The following PDCL3 variants were observed in gnomAD, a reference collection of about 807,000 sequenced individuals.
The protein encoded by PDCL3 is phosducin like 3, also known as phosducin-like protein 3.
A neutral mutation model predicts 26.5 loss-of-function variants in PDCL3; 22 were observed. The observed-to-expected ratio is 0.83, with a 90% CI of 0.59 to 1.19. The LOEUF (loss-of-function observed/expected upper bound fraction) is 1.19, where lower values mean the gene tolerates loss of function less well. PDCL3 is among the 50% of genes most tolerant of loss of function. The pLI is 0.00. For synonymous variants in PDCL3, 81 were observed against 104.9 expected (o/e 0.77, Z 1.39); for missense variants, 246 against 294.1 (o/e 0.84, Z 1.20).
chr2:100,563,841 A>C (rs1675004487), intron 1 of PDCL3, among the ~76,000 whole-genome samples: 1 of 144,628 alleles, frequency 6.9e-6, no homozygotes, highest in African/African-American at 2.6e-5. Flanking sequence ...TGGAGAGGAG[A>C]GGGTGCGGGT....
intron 4 of PDCL3, among the ~76,000 whole-genome samples, chr2:100,571,153 G>T (rs1308146169): frequency 3.7e-5 from 4 of 109,484 alleles, no homozygotes; most frequent in Non-Finnish European, 5.3e-5. Flanking sequence ...ATGGTGGTGT[G>T]TGCCTGTAAT....
intron 5 of PDCL3, among the ~76,000 whole-genome samples, chr2:100,572,888 A>T (rs7557603): frequency 0.5 from 74,865 of 150,674 alleles, 19,933 homozygotes; most frequent in East Asian, 0.97. Flanking sequence ...TTTTTGTTTG[A>T]TTGTTTGTTT....
intron 4 of PDCL3, among the ~76,000 whole-genome samples, chr2:100,570,375 T>C (rs1490842098): frequency 6.6e-6 from 1 of 152,148 alleles, no homozygotes; most frequent in Non-Finnish European, 1.5e-5. Context: ...GCCTTTACAG[T>C]AGTAATTGCC....
chr2:100,570,142 G>GT (rs932360805), intron 4 of PDCL3, among the ~76,000 whole-genome samples: 18 of 151,480 alleles, frequency 1.2e-4, no homozygotes, highest in South Asian at 2.1e-4. Context: ...AGTTTTTTGT[G>GT]TTTTTTTTGC....
At chr2:100,575,166 C>T (rs530754728) in intron 5 of PDCL3, among the ~76,000 whole-genome samples, 87 of 152,252 alleles carry the variant, frequency 5.7e-4, no homozygotes, top group Admixed American at 1.4e-3. Flanking sequence ...GAGACAGTCT[C>T]GCTGTGTCGC....
intron 5 of PDCL3, among the ~76,000 whole-genome samples, chr2:100,575,926 GCT>G (rs1049656115): frequency 2.8e-4 from 43 of 151,986 alleles, no homozygotes; most frequent in African/African-American, 1.0e-3. Flanking sequence ...ACAGGGTCTC[GCT>G]CTGTCGTGTA....
rs185517022 is a variant in PDCL3, at chr2:100,569,374, G to A, written c.225-204G>A. 3.7e-3 allele frequency among the ~76,000 whole-genome samples: 563 copies of A among 152,236 alleles called. 3 individuals carry two copies. The highest frequency in any genetic ancestry group is 5.1e-3 in the Non-Finnish European group (350 of 68,012). Reference sequence around the variant, plus strand: ...TCTGTCTCAAAAAATAAAATGAAATGTGTGTCCTTCAAAAAATTAATTTTC... The same window carrying A: ...TCTGTCTCAAAAAATAAAATGAAATATGTGTCCTTCAAAAAATTAATTTTC... On this transcript the variant is annotated intron_variant, in intron 3 of 5. Coordinates refer to ENST00000264254, the MANE Select transcript of PDCL3 (RefSeq NM_024065.5).
intron 5 of PDCL3, among the ~76,000 whole-genome samples, chr2:100,572,940 A>C (rs1675208174): frequency 6.6e-6 from 1 of 152,052 alleles, no homozygotes; most frequent in Non-Finnish European, 1.5e-5. Context: ...GCTGGAGTGC[A>C]GTGGTGCGAT....
chr2:100,576,489 G>T lies in PDCL3; in HGVS notation c.713G>T (p.Gly238Val). Residue 238 changes from glycine (G) to valine (V), a missense_variant, in exon 6 of 6, where the codon GGT (glycine) becomes GTT (valine). Coordinates refer to ENST00000264254, the MANE Select transcript of PDCL3 (RefSeq NM_024065.5). ...ATGAAGAGGGACAGCGATTCCGAGGGTGACTGAGGCTACAGCTTCTATCAC... is the reference window on the plus strand; with the variant it reads ...ATGAAGAGGGACAGCGATTCCGAGGTTGACTGAGGCTACAGCTTCTATCAC... ...VLMKRDSDSE[G>V]D The T allele has an allele frequency of 6.2e-7, 1 of 1,603,050 alleles. No homozygotes were observed. Among genetic ancestry groups the T allele is most frequent in the South Asian group, 1.1e-5 (1 of 89,092 alleles).
chr2:100,566,368 A>G lies in PDCL3; in HGVS notation c.7-135A>G, dbSNP rs1675059192. The G allele has an allele frequency of 8.5e-6, 10 of 1,180,520 alleles. No homozygotes were observed. In the East Asian group the frequency reaches 1.2e-4, roughly 14 times the overall value. 73.1% of individuals were successfully genotyped at this position (1,180,520 alleles called of 1,614,324 possible). ...AAACGGGGGCTATGGATCTTTTGACACTTTCTCAGAAATAGTTCACAGACT... is the reference window on the plus strand; with the variant it reads ...AAACGGGGGCTATGGATCTTTTGACGCTTTCTCAGAAATAGTTCACAGACT... On this transcript the variant is annotated intron_variant, in intron 1 of 5. Transcript: ENST00000264254.
chr2:100,563,890 G>A (rs1197739922), intron 1 of PDCL3, among the ~76,000 whole-genome samples: 1 of 150,970 alleles, frequency 6.6e-6, no homozygotes, highest in African/African-American at 2.4e-5. Flanking sequence ...GGAGGGGAGG[G>A]CGTGTCTGCC....
At chr2:100,575,275 A>G (rs932072177) in intron 5 of PDCL3, among the ~76,000 whole-genome samples, 28 of 152,274 alleles carry the variant, frequency 1.8e-4, no homozygotes, top group African/African-American at 6.0e-4. Flanking sequence ...AGCTGGGACT[A>G]CAGGCACCTG....
At chr2:100,568,180 G>A (rs1333969057) in intron 2 of PDCL3, among the ~76,000 whole-genome samples, 2 of 152,164 alleles carry the variant, frequency 1.3e-5, no homozygotes, top group African/African-American at 4.8e-5. Context: ...CCTTGGGTAT[G>A]TTTTTCTCTA....
At chr2:100,568,864 A>G (rs1393478584) in intron 2 of PDCL3, 67 bp from the exon 3 acceptor site, 14 of 1,363,520 alleles carry the variant, frequency 1.0e-5, no homozygotes, top group South Asian at 8.2e-5. Flanking sequence ...AGAGAGGGGA[A>G]AAAAGAAAAA....
intron 5 of PDCL3, among the ~76,000 whole-genome samples, chr2:100,575,292 T>G (rs28583939): frequency 6.6e-6 from 1 of 152,128 alleles, no homozygotes; most frequent in Non-Finnish European, 1.5e-5. Context: ...CCTGCCACCA[T>G]GCCTGGCTAA....
In PDCL3 at chr2:100,569,041, G is replaced by C; in HGVS notation, c.224+20G>C. 6.3e-7 allele frequency: 1 copy of C among 1,584,664 alleles called. No homozygotes were observed. Among genetic ancestry groups the C allele is most frequent in the Non-Finnish European group, 8.6e-7 (1 of 1,168,494 alleles). On this transcript the variant is annotated intron_variant, in intron 3 of 5. Transcript: ENST00000264254. The stretch of plus-strand genomic sequence containing the variant: ...GTACAGGTAAGCGCCACCCAGAGGG[G>C]CTGTTTGTTTTTTTGTTGTTGTTTG...
chr2:100,574,754 C>T (rs1675245822), intron 5 of PDCL3, among the ~76,000 whole-genome samples: 1 of 152,216 alleles, frequency 6.6e-6, no homozygotes, highest in Non-Finnish European at 1.5e-5. Context: ...CATTTCCACT[C>T]CTCCCCTGAT....
At chr2:100,576,108 T>C (rs1447294432) in intron 5 of PDCL3, among the ~76,000 whole-genome samples, 1 of 151,976 alleles carries the variant, frequency 6.6e-6, no homozygotes, top group South Asian at 2.1e-4. Context: ...TGAGACAGTC[T>C]CACTGCTGCC....
intron 5 of PDCL3, among the ~76,000 whole-genome samples, chr2:100,574,464 G>T (rs1391985094): frequency 1.3e-5 from 2 of 149,882 alleles, no homozygotes; most frequent in African/African-American, 4.9e-5. Context: ...TACCCAGCAT[G>T]ACTGAGGTAT....
Sources: gnomAD v4.1 joint callset for allele counts (sites outside exome capture counted in the v4.1 genomes callset) on GRCh38, gnomAD v4.1.1 for gene constraint, MANE v1.5 for transcripts, NCBI Gene and HGNC (gene_info 2026-07-23, HGNC 2026-07-21) for gene names.